Variants in ZNF423 observed in about 807,000 individuals in gnomAD.
ZNF423 encodes the protein Ebf-associated zinc finger protein.
In ZNF423, 12 loss-of-function variants were observed where a neutral mutation model predicts 95.8. The ratio of observed to expected loss-of-function variants is 0.13; its 90% confidence interval spans 0.08 to 0.20. The LOEUF (loss-of-function observed/expected upper bound fraction) is 0.20, where lower values mean the gene tolerates loss of function less well. ZNF423 is among the 10% of genes least tolerant of loss of function. The pLI is 1.00. For missense variants in ZNF423, 1,316 were observed against 1,737.1 expected (o/e 0.76, Z 4.31); for synonymous variants, 749 against 711.9 (o/e 1.05, Z -0.83).
At position 49,735,076 on chromosome 16, in the gene ZNF423, G is replaced by C. The variant is rs544316831; in HGVS notation, c.101-4105C>G. ...CACCTGAGCCAGGTGTTGGGAGTTTGTAAAACCCCTCAAAGTCCCATGTAG... is the reference window on the plus strand; with the variant it reads ...CACCTGAGCCAGGTGTTGGGAGTTTCTAAAACCCCTCAAAGTCCCATGTAG... On this transcript the variant is annotated intron_variant, in intron 2 of 7. Coordinates refer to ENST00000563137, the MANE Select transcript of ZNF423 (RefSeq NM_001379286.1). Among the ~76,000 whole-genome samples, 3 of 152,120 alleles carry C rather than the reference G, an allele frequency of 2.0e-5. 1 individual carries two copies. In the South Asian group the frequency reaches 6.2e-4, roughly 31 times the overall value.
chr16:49,704,572 T>G (rs1048034069), intron 3 of ZNF423, among the ~76,000 whole-genome samples: 2 of 152,282 alleles, frequency 1.3e-5, no homozygotes, highest in Middle Eastern at 3.4e-3. Context: ...GCATAGAGCC[T>G]GATAGAGAGG....
At chr16:49,756,137 C>T (rs914405783) in intron 2 of ZNF423, among the ~76,000 whole-genome samples, 1 of 152,114 alleles carries the variant, frequency 6.6e-6, no homozygotes, top group Non-Finnish European at 1.5e-5. Flanking sequence ...TAGATGACAG[C>T]CCACAGAGAT....
At chr16:49,762,152 C>G (rs1035515846) in intron 2 of ZNF423, among the ~76,000 whole-genome samples, 1 of 152,208 alleles carries the variant, frequency 6.6e-6, no homozygotes, top group African/African-American at 2.4e-5. Context: ...GGCGTTGAGG[C>G]CCAGCAGGCT....
chr16:49,748,527 G>A lies in ZNF423; in HGVS notation c.101-17556C>T, dbSNP rs186547787. On this transcript the variant is annotated intron_variant, in intron 2 of 7. Transcript: ENST00000563137. Reference sequence around the variant, plus strand: ...TGGCCCCCTTCCAGGAGTGCACATCGAACGGAAAAAATTACTCCAACTCTC... The same window carrying A: ...TGGCCCCCTTCCAGGAGTGCACATCAAACGGAAAAAATTACTCCAACTCTC... 5.7e-3 allele frequency among the ~76,000 whole-genome samples: 872 copies of A among 152,202 alleles called. 4 individuals carry two copies. Among genetic ancestry groups the A allele is most frequent in the Non-Finnish European group, 9.6e-3 (656 of 68,012 alleles).
chr16:49,780,810 G>A (rs1003102464), intron 2 of ZNF423, among the ~76,000 whole-genome samples: 2 of 152,216 alleles, frequency 1.3e-5, no homozygotes, highest in African/African-American at 4.8e-5. Flanking sequence ...TCCCCAGCTG[G>A]CCCCATATAA....
chr16:49,626,302 A>T (rs1380321819), intron 4 of ZNF423, 48 bp from the exon 5 acceptor site: 1 of 1,597,628 alleles, frequency 6.3e-7, no homozygotes, highest in Non-Finnish European at 8.6e-7. Flanking sequence ...GGAGGTAGGA[A>T]AAAGGAGAAA....
At chr16:49,586,264 C>T (rs1182417989) in intron 5 of ZNF423, among the ~76,000 whole-genome samples, 3 of 151,660 alleles carry the variant, frequency 2.0e-5, no homozygotes, top group South Asian at 2.1e-4. Context: ...TTAATTACCA[C>T]CTTTTTTTTT....
chr16:49,584,064 T>A (rs1311361796), intron 5 of ZNF423, among the ~76,000 whole-genome samples: 1 of 152,168 alleles, frequency 6.6e-6, no homozygotes, highest in Non-Finnish European at 1.5e-5. Context: ...AAAGTCCCTT[T>A]TGTAAATATT....
At chr16:49,662,391 C>T (rs1221703233) in intron 3 of ZNF423, among the ~76,000 whole-genome samples, 2 of 152,212 alleles carry the variant, frequency 1.3e-5, no homozygotes, top group South Asian at 4.1e-4. Context: ...GACCCTCTGA[C>T]TCCAACCATC....
In ZNF423 at chr16:49,636,353, G is replaced by A. The variant is rs767201736; in HGVS notation, c.2823C>T (p.Asn941=). Residue 941 remains asparagine (N), a synonymous_variant, in exon 4 of 8, where the codon AAC becomes AAT. Coordinates refer to ENST00000563137, the MANE Select transcript of ZNF423 (RefSeq NM_001379286.1). The surrounding 1 kb of genome is among the most constrained non-coding windows in gnomAD (Gnocchi z 8.6). ...CCGAGAAGAAAGTCCGTGAACAAACGTTGCACTTGTGACTGCCCTTGATAA... is the reference window on the plus strand; with the variant it reads ...CCGAGAAGAAAGTCCGTGAACAAACATTGCACTTGTGACTGCCCTTGATAA... ...AEFIKGSHKC[N]VCSRTFFSEN... The A allele has an allele frequency of 4.3e-6, 7 of 1,612,798 alleles. 1 individual carries two copies. In the South Asian group the frequency reaches 6.6e-5, roughly 15 times the overall value.
chr16:49,680,934 C>T (rs2031327055), intron 3 of ZNF423, among the ~76,000 whole-genome samples: 1 of 141,418 alleles, frequency 7.1e-6, no homozygotes, highest in Admixed American at 6.7e-5. Flanking sequence ...GATCCTGTGA[C>T]ACCAACTTAG....
At chr16:49,840,614 C>T (rs2035172581) in intron 1 of ZNF423, among the ~76,000 whole-genome samples, 1 of 152,226 alleles carries the variant, frequency 6.6e-6, no homozygotes, top group Admixed American at 6.5e-5. Flanking sequence ...TGAAGAGTCT[C>T]TTTGCCCTGG....
intron 3 of ZNF423, among the ~76,000 whole-genome samples, chr16:49,697,039 C>T (rs1243130714): frequency 2.0e-5 from 3 of 152,200 alleles, no homozygotes; most frequent in Non-Finnish European, 4.4e-5. Context: ...TGCAGTCCAT[C>T]GTGGGGGAGG....
At chr16:49,720,239 G>A (rs2032826955) in intron 3 of ZNF423, among the ~76,000 whole-genome samples, 1 of 152,190 alleles carries the variant, frequency 6.6e-6, no homozygotes, top group African/African-American at 2.4e-5. Context: ...CAAAGAAAAG[G>A]TCCAGTGCAA....
intron 5 of ZNF423, among the ~76,000 whole-genome samples, chr16:49,555,355 T>C (rs867118635): frequency 3.3e-5 from 5 of 152,292 alleles, no homozygotes; most frequent in South Asian, 2.1e-4. Flanking sequence ...CATCACTCAA[T>C]AAACAGAGGC....
At chr16:49,804,764 ACACACCAACCCTGTG>A (rs1396470218) in intron 1 of ZNF423, among the ~76,000 whole-genome samples, 1 of 152,192 alleles carries the variant, frequency 6.6e-6, no homozygotes, top group Non-Finnish European at 1.5e-5. Flanking sequence ...AAATCAGGTA[ACACACCAACCCTGTG>A]CACACCAACC....
chr16:49,781,879 T>C (rs1345397878), intron 2 of ZNF423, among the ~76,000 whole-genome samples: 1 of 152,170 alleles, frequency 6.6e-6, no homozygotes, highest in Admixed American at 6.5e-5. Context: ...AGCTACCCCA[T>C]TGCCAGCTCT....
At chr16:49,681,136 C>T (rs2031335264) in intron 3 of ZNF423, among the ~76,000 whole-genome samples, 1 of 152,154 alleles carries the variant, frequency 6.6e-6, no homozygotes, top group South Asian at 2.1e-4. Flanking sequence ...TTCTGGTGAA[C>T]AAAGCAGAAA....
At chr16:49,835,575 G>A (rs549476861) in intron 1 of ZNF423, among the ~76,000 whole-genome samples, 2 of 152,326 alleles carry the variant, frequency 1.3e-5, no homozygotes, top group South Asian at 2.1e-4. Flanking sequence ...CGGGCCAGTG[G>A]GCAGCCTCCA....
Sources: gnomAD v4.1 joint callset for allele counts (sites outside exome capture counted in the v4.1 genomes callset) on GRCh38, gnomAD v4.1.1 for gene constraint, Gnocchi (gnomAD v3.1) non-coding constraint, MANE v1.5 for transcripts, NCBI Gene and HGNC (gene_info 2026-07-23, HGNC 2026-07-21) for gene names.